Variants in TEX14 observed in about 807,000 individuals in gnomAD.
TEX14 encodes testis expressed 14, intercellular bridge forming factor.
TEX14 carries 168 observed loss-of-function variants against 178.6 expected under a neutral mutation model. That is an observed-to-expected ratio of 0.94 (90% CI 0.83 to 1.07). The LOEUF is 1.07. Ranked by LOEUF, TEX14 falls within the 50% of genes least tolerant of loss-of-function variation. The pLI, the probability that TEX14 is intolerant of heterozygous loss-of-function variation, is 0.00. For synonymous variants in TEX14, 626 were observed against 634.1 expected (o/e 0.99, Z 0.19); for missense variants, 1,730 against 1,753.6 (o/e 0.99, Z 0.24).
intron 1 of TEX14, among the ~76,000 whole-genome samples, chr17:58,673,810 C>CGG (rs1567770995): frequency 6.6e-6 from 1 of 151,956 alleles, no homozygotes; most frequent in African/African-American, 2.4e-5. Flanking sequence ...TTGGCTCAGG[C>CGG]GATCCTCCCA....
chr17:58,618,421 TCC>T (rs2045925616), intron 5 of TEX14, among the ~76,000 whole-genome samples: 1 of 152,206 alleles, frequency 6.6e-6, no homozygotes, highest in Non-Finnish European at 1.5e-5. Flanking sequence ...CCACTGTTCT[TCC>T]CACATTCCAC....
Position 58,687,060 on chromosome 17 carries a change from G to T in TEX14, c.-2+4879C>A, listed in dbSNP as rs544636756. ...GTAGGGAGCTGAAGGCCCATGGGAT[G>T]TGACCAACTCAGCATTCCACTGGAG... On this transcript the variant is annotated intron_variant, in intron 1 of 31. Coordinates refer to ENST00000349033, the MANE Select transcript of TEX14 (RefSeq NM_031272.5). Among the ~76,000 whole-genome samples, 22 of 151,846 alleles carry T rather than the reference G, an allele frequency of 1.4e-4. No homozygotes were observed. In the South Asian group the frequency reaches 4.6e-3, roughly 32 times the overall value.
intron 1 of TEX14, chr17:58,660,359 C>G (rs2047083167): frequency 3.7e-6 from 1 of 270,976 alleles, no homozygotes; most frequent in Admixed American, 5.2e-5. Context: ...CGAGATCGCG[C>G]CATTGCACTC....
rs143118973 is a variant in TEX14 at position 58,647,988 on chromosome 17, G to A, written c.136+3878C>T. The A allele has an allele frequency of 3.0e-3, 453 of 152,388 alleles. 3 individuals carry two copies. The highest frequency in any genetic ancestry group is 7.9e-3 in the Admixed American group (121 of 15,266). 9.4% of individuals were successfully genotyped at this position (152,388 alleles called of 1,614,324 possible). ...GCTGGGATTACACGCGTGAGCCACC[G>A]TACCCAGGCCGATTCCAATTTCTTC... is the stretch of plus-strand genomic sequence containing the variant. On this transcript the variant is annotated intron_variant, in intron 2 of 31. Transcript: ENST00000349033.
chr17:58,586,101 A>G lies in TEX14; in HGVS notation c.2789-19T>C, dbSNP rs1199198328. 1 of 1,597,784 alleles carries G rather than the reference A, an allele frequency of 6.3e-7. No individual in the cohort carries two copies. The highest frequency in any genetic ancestry group is 1.3e-5 in the African/African-American group (1 of 74,260). ...ACCTCCACTGTGCATAAGAGAAAGC[A>G]GCATTTAAAACATCACTGTAAACAC... On this transcript the variant is annotated intron_variant, in intron 17 of 31. Coordinates refer to ENST00000349033, the MANE Select transcript of TEX14 (RefSeq NM_031272.5).
intron 2 of TEX14, chr17:58,648,165 T>G (rs148333378): frequency 6.6e-6 from 1 of 152,294 alleles, no homozygotes; most frequent in African/African-American, 2.4e-5. Context: ...GCCTTCATAC[T>G]CAGCTGATGC....
intron 8 of TEX14, 124 bp downstream of exon 8, chr17:58,615,108 A>G: frequency 1.6e-6 from 1 of 615,364 alleles, no homozygotes; most frequent in South Asian, 2.1e-5. Flanking sequence ...CAATTTCAAC[A>G]GTCAGGAAAT....
In TEX14 at chr17:58,604,954, C is replaced by A; in HGVS notation, c.1336+24G>T. Reference sequence around the variant, plus strand: ...GCAACCTAAGAATAGGGACTTTGGTCAACCATTAATGATCTTGATCTACCT... The same window carrying A: ...GCAACCTAAGAATAGGGACTTTGGTAAACCATTAATGATCTTGATCTACCT... On this transcript the variant is annotated intron_variant, in intron 11 of 31. Coordinates refer to ENST00000349033, the MANE Select transcript of TEX14 (RefSeq NM_031272.5). 1.9e-6 allele frequency: 3 copies of A among 1,613,318 alleles called. No homozygotes were observed. In the South Asian group the frequency reaches 3.3e-5, roughly 18 times the overall value.
intron 16 of TEX14, 43 bp downstream of exon 16, chr17:58,587,853 A>ACCCCCCC: frequency 1.7e-6 from 1 of 603,444 alleles, no homozygotes. Context: ...ACCCACCCCC[A>ACCCCCCC]CCCCCGCTCC....
At chr17:58,673,007 C>T (rs2047328271) in intron 1 of TEX14, among the ~76,000 whole-genome samples, 1 of 151,798 alleles carries the variant, frequency 6.6e-6, no homozygotes, top group Non-Finnish European at 1.5e-5. Context: ...GCTGGGATTA[C>T]AGGCATGAGC....
At chr17:58,565,956 G>A (rs1234793329) in intron 26 of TEX14, 132 bp from the exon 27 acceptor site, 4 of 678,392 alleles carry the variant, frequency 5.9e-6, no homozygotes, top group Non-Finnish European at 1.0e-5. Context: ...CGTTAGGAAT[G>A]CAAATTCTCA....
chr17:58,594,539 GA>G (rs754202051), intron 14 of TEX14, among the ~76,000 whole-genome samples: 17 of 151,854 alleles, frequency 1.1e-4, no homozygotes, highest in Non-Finnish European at 2.4e-4. Flanking sequence ...TTCTAGTAGA[GA>G]CGTGGTTTCA....
intron 1 of TEX14, among the ~76,000 whole-genome samples, chr17:58,687,406 C>T (rs1284045532): frequency 6.6e-6 from 1 of 152,174 alleles, no homozygotes; most frequent in Non-Finnish European, 1.5e-5. Flanking sequence ...TTTATTCCCG[C>T]ATTTGCCCTC....
intron 29 of TEX14, 79 bp from the exon 30 acceptor site, chr17:58,559,641 AAACAAC>A (rs10699411): frequency 1.2e-4 from 81 of 698,112 alleles, no homozygotes; most frequent in African/African-American, 1.0e-3. Context: ...AACAAAAAAC[AAACAAC>A]AACAACAACA....
intron 1 of TEX14, among the ~76,000 whole-genome samples, chr17:58,663,628 G>C (rs2047157803): frequency 6.6e-6 from 1 of 151,858 alleles, no homozygotes; most frequent in Admixed American, 6.6e-5. Flanking sequence ...CACCACGCCT[G>C]GCTAATTTTT....
In TEX14 at chr17:58,569,406, A is replaced by C. The variant is rs2044472563; in HGVS notation, c.3818-146T>G. ...GGAGGAAGGAAGCCTCTTACATAAT[A>C]GTTCCAGTAGAGACCTCCTAACATG... On this transcript the variant is annotated intron_variant, in intron 25 of 31. Coordinates refer to ENST00000349033, the MANE Select transcript of TEX14 (RefSeq NM_031272.5). This position sits in a 1 kb window ranked among gnomAD's most constrained non-coding sequence, Gnocchi z 4.1. 4 of 635,848 alleles carry C rather than the reference A, an allele frequency of 6.3e-6. No individual in the cohort carries two copies. In the Admixed American group the frequency reaches 1.1e-4, roughly 17 times the overall value. The allele number at this position is 635,848 out of a possible 1,614,324, so 39.4% of individuals were successfully genotyped here.
intron 1 of TEX14, chr17:58,659,329 C>T (rs1361227065): frequency 1.0e-6 from 1 of 983,286 alleles, no homozygotes; most frequent in East Asian, 1.1e-4. Context: ...TTGCTAATAC[C>T]TTACCATCGT....
At chr17:58,653,575 C>T (rs1231058951) in intron 1 of TEX14, among the ~76,000 whole-genome samples, 3 of 152,082 alleles carry the variant, frequency 2.0e-5, no homozygotes, top group Admixed American at 1.3e-4. Flanking sequence ...GGAAGTAGGT[C>T]GTTATGGCAG....
At chr17:58,659,169 G>C (rs140823391) in intron 1 of TEX14, among the ~76,000 whole-genome samples, 30 of 151,324 alleles carry the variant, frequency 2.0e-4, no homozygotes, top group African/African-American at 6.1e-4. Flanking sequence ...CGCAAAAGCA[G>C]TCCCCCACTA....
Sources: allele counts gnomAD v4.1 joint callset (sites outside exome capture counted in the v4.1 genomes callset), GRCh38; gene constraint gnomAD v4.1.1; non-coding constraint Gnocchi (gnomAD v3.1); transcripts MANE v1.5; gene names NCBI Gene and HGNC (gene_info 2026-07-23, HGNC 2026-07-21).